Variants in PLEKHA8 observed in about 807,000 individuals in gnomAD.
PLEKHA8 encodes the protein pleckstrin homology domain-containing family A member 8.
A neutral mutation model predicts 68.2 loss-of-function variants in PLEKHA8; 36 were observed. That is an observed-to-expected ratio of 0.53 (90% confidence interval 0.40 to 0.70). The LOEUF is 0.70. Ranked by LOEUF, PLEKHA8 falls within the 30% of genes least tolerant of loss-of-function variation. The probability of loss-of-function intolerance (pLI) is 0.00; values close to 1 mark genes in which losing one functional copy is unlikely to be tolerated. For missense variants in PLEKHA8, 505 were observed against 615.4 expected, an observed-to-expected ratio of 0.82 and a Z score of 1.90; for synonymous variants, 211 against 216.1, an observed-to-expected ratio of 0.98 and a Z score of 0.20.
At chr7:30,090,748 G>A (rs143335387), downstream of PLEKHA8, 57 of 609,730 alleles carry the variant, frequency 9.3e-5, no homozygotes, top group South Asian at 2.1e-3. Flanking sequence ...AAAGAAATAC[G>A]TATTGTTTCA....
At chr7:30,129,327 A>G in exon 14 of PLEKHA8, 1 of 1,612,790 alleles carries the variant, frequency 6.2e-7, no homozygotes, top group Non-Finnish European at 8.5e-7. Flanking sequence ...GGCAACTCTG[A>G]GGATGGAAGC....
chr7:30,113,927 G>C (rs1199950670), intron 13 of PLEKHA8, among the ~76,000 whole-genome samples: 2 of 144,842 alleles, frequency 1.4e-5, no homozygotes, highest in African/African-American at 5.2e-5. Flanking sequence ...TTGAGACAGA[G>C]TCTCACCAAT....
chr7:30,045,262 A>G, intron 2 of PLEKHA8, 61 bp downstream of exon 2: 2 of 1,308,248 alleles, frequency 1.5e-6, no homozygotes, highest in Middle Eastern at 1.9e-4. Context: ...AAAAACAAAA[A>G]AGCCCCTGGC....
intron 13 of PLEKHA8, among the ~76,000 whole-genome samples, chr7:30,098,728 G>T (rs893898537): frequency 6.6e-6 from 1 of 152,240 alleles, no homozygotes; most frequent in East Asian, 1.9e-4. Flanking sequence ...GGTGCCATCT[G>T]TCACCCCTTT....
intron 13 of PLEKHA8, among the ~76,000 whole-genome samples, chr7:30,114,759 G>A (rs1796375102): frequency 6.6e-6 from 1 of 152,104 alleles, no homozygotes; most frequent in Non-Finnish European, 1.5e-5. Flanking sequence ...CTCAAGAGCA[G>A]TTTTGCATTT....
chr7:30,084,102 A>G lies in PLEKHA8; in HGVS notation c.*5315A>G. 1.0e-6 allele frequency: 1 copy of G among 985,428 alleles called. No homozygotes were observed. Among genetic ancestry groups the G allele is most frequent in the Non-Finnish European group, 1.2e-6 (1 of 829,892 alleles). The allele number at this position is 985,428 out of a possible 1,614,324, so 61.0% of individuals were successfully genotyped here. A position where few individuals can be genotyped will look rare whatever the true frequency, so the allele number is the denominator to read the frequency against. On this transcript the variant is annotated 3_prime_UTR_variant, in exon 14 of 14. Transcript: ENST00000449726. ...AAATTGGCTGTGGACAATCTGTGTCAGATGAGAAATGTGTTCAGATAAATT... is the reference window on the plus strand; with the variant it reads ...AAATTGGCTGTGGACAATCTGTGTCGGATGAGAAATGTGTTCAGATAAATT...
At chr7:30,047,706 A>C (rs760533543) in intron 3 of PLEKHA8, 126 bp from the exon 4 acceptor site, 187 of 991,452 alleles carry the variant, frequency 1.9e-4, no homozygotes, top group Non-Finnish European at 2.4e-4. Flanking sequence ...TACTTTAAAG[A>C]TTTGACTTTG....
chr7:30,033,028 A>C (rs984593860), intron 1 of PLEKHA8, among the ~76,000 whole-genome samples: 1 of 152,220 alleles, frequency 6.6e-6, no homozygotes, highest in Admixed American at 6.5e-5. Flanking sequence ...CTCTTGCCCT[A>C]TATACTATAT....
rs1446356018 is a variant in PLEKHA8 at position 30,080,622 on chromosome 7, T to A, written c.*1835T>A. On this transcript the variant is annotated 3_prime_UTR_variant, in exon 14 of 14. Coordinates refer to ENST00000449726, the MANE Select transcript of PLEKHA8 (RefSeq NM_001197026.2). ...CCACATAAAGACTTCTGGAAAATAC[T>A]TAAACTTGAAAAATCAACATCACAT... 1.0e-6 allele frequency: 1 copy of A among 985,218 alleles called. No individual in the cohort carries two copies. The highest frequency in any genetic ancestry group is 1.7e-5 in the African/African-American group (1 of 57,242). The allele number at this position is 985,218 out of a possible 1,614,324, so 61.0% of individuals were successfully genotyped here.
chr7:30,120,637 G>T (rs1796681695), intron 13 of PLEKHA8, among the ~76,000 whole-genome samples: 1 of 152,114 alleles, frequency 6.6e-6, no homozygotes, highest in African/African-American at 2.4e-5. Context: ...GGAGAAATTG[G>T]AAAAAACACA....
At chr7:30,111,668 G>A (rs1562555252) in intron 13 of PLEKHA8, among the ~76,000 whole-genome samples, 1 of 151,212 alleles carries the variant, frequency 6.6e-6, no homozygotes, top group African/African-American at 2.4e-5. Context: ...CATCTAGGCT[G>A]GAATAGTGTG....
intron 1 of PLEKHA8, among the ~76,000 whole-genome samples, chr7:30,041,882 A>G (rs1008804886): frequency 1.3e-5 from 2 of 151,962 alleles, no homozygotes; most frequent in Non-Finnish European, 2.9e-5. Context: ...GTGCTATGTC[A>G]TTGTTTAATT....
rs912982906 is a variant in PLEKHA8 at position 30,079,576 on chromosome 7, G to A, written c.*789G>A. 1 of 850,884 alleles carries A rather than the reference G, an allele frequency of 1.2e-6. No individual in the cohort carries two copies. The allele number at this position is 850,884 out of a possible 1,614,324, so 52.7% of individuals were successfully genotyped here. On this transcript the variant is annotated 3_prime_UTR_variant, in exon 14 of 14. Transcript: ENST00000449726. ...CATCACAAGTAATGATACCCAGAGGGATTATTACTCCACTTCAAAAGCAAG... is the reference window on the plus strand; with the variant it reads ...CATCACAAGTAATGATACCCAGAGGAATTATTACTCCACTTCAAAAGCAAG...
intron 13 of PLEKHA8, among the ~76,000 whole-genome samples, chr7:30,120,645 A>C (rs1437552141): frequency 6.6e-6 from 1 of 152,266 alleles, no homozygotes. Flanking sequence ...TGGAAAAAAC[A>C]CAACTAAGAA....
chr7:30,060,469 A>G (rs578009788), intron 9 of PLEKHA8, among the ~76,000 whole-genome samples: 3 of 152,192 alleles, frequency 2.0e-5, no homozygotes, highest in South Asian at 4.2e-4. Context: ...AGAATCATTA[A>G]TGAGATATTT....
At chr7:30,038,345 A>G (rs779499758) in intron 1 of PLEKHA8, among the ~76,000 whole-genome samples, 1 of 152,226 alleles carries the variant, frequency 6.6e-6, no homozygotes, top group Non-Finnish European at 1.5e-5. Flanking sequence ...TCTTTAATAG[A>G]AGTAAACTAC....
chr7:30,087,045 G>A (rs781435768), downstream of PLEKHA8, among the ~76,000 whole-genome samples: 8 of 152,240 alleles, frequency 5.3e-5, no homozygotes, highest in Non-Finnish European at 1.0e-4. Context: ...TGTCCTCAGA[G>A]AACAAAGTTG....
Position 30,079,242 on chromosome 7 carries a change from G to C in PLEKHA8, c.*455G>C. 3.0e-6 allele frequency: 3 copies of C among 994,192 alleles called. No homozygotes were observed. The highest frequency in any genetic ancestry group is 2.4e-6 in the Non-Finnish European group (2 of 835,356). The allele number at this position is 994,192 out of a possible 1,614,324, so 61.6% of individuals were successfully genotyped here. A position where few individuals can be genotyped will look rare whatever the true frequency, so the allele number is the denominator to read the frequency against. ...TAAGCTGCTTTGTTGAAGCTGTGTA[G>C]AGTTTGCTGTTCCTAGATGTTCTTC... On this transcript the variant is annotated 3_prime_UTR_variant, in exon 14 of 14. Coordinates refer to ENST00000449726, the MANE Select transcript of PLEKHA8 (RefSeq NM_001197026.2).
chr7:30,093,104 C>CAG (rs1475529623), downstream of PLEKHA8, among the ~76,000 whole-genome samples: 1 of 152,178 alleles, frequency 6.6e-6, no homozygotes, highest in East Asian at 1.9e-4. Flanking sequence ...CGTTATTTTA[C>CAG]AGTGGGGTTA....
Sources: allele counts gnomAD v4.1 joint callset (sites outside exome capture counted in the v4.1 genomes callset), GRCh38; gene constraint gnomAD v4.1.1; transcripts MANE v1.5; gene names NCBI Gene and HGNC (gene_info 2026-07-23, HGNC 2026-07-21).